ENPP2: variants seen among roughly 807,000 people sequenced by gnomAD.
ENPP2 encodes autotaxin.
Under a neutral mutation model 120.2 loss-of-function variants are expected in ENPP2, and 51 were observed. That is an observed-to-expected ratio of 0.42 (90% CI 0.34 to 0.54). The LOEUF is 0.54. ENPP2 is among the 20% of genes least tolerant of loss of function. The probability of loss-of-function intolerance (pLI) is 0.04; values close to 1 mark genes in which losing one functional copy is unlikely to be tolerated. For missense variants in ENPP2, 920 were observed against 1,066.5 expected (o/e 0.86, Z 1.91); for synonymous variants, 365 against 366.4 (o/e 1.00, Z 0.04).
chr8:119,603,663 C>CATA (rs1419545505), intron 9 of ENPP2, among the ~76,000 whole-genome samples: 40 of 152,056 alleles, frequency 2.6e-4, no homozygotes, highest in African/African-American at 8.7e-4. Context: ...GTGCTGGGCA[C>CATA]ATAGAAAGGG....
intron 9 of ENPP2, among the ~76,000 whole-genome samples, chr8:119,606,962 T>C (rs1347313582): frequency 6.6e-6 from 1 of 152,222 alleles, no homozygotes. Context: ...CATCAACATG[T>C]TGATACTTTT....
intron 2 of ENPP2, among the ~76,000 whole-genome samples, chr8:119,633,221 C>G (rs866291418): frequency 9.2e-5 from 14 of 152,146 alleles, no homozygotes; most frequent in Middle Eastern, 3.2e-3. Flanking sequence ...AAATGTCCCC[C>G]GTAAAGATGC....
intron 20 of ENPP2, among the ~76,000 whole-genome samples, chr8:119,569,791 A>G (rs1327089382): frequency 6.7e-6 from 1 of 150,300 alleles, no homozygotes; most frequent in Non-Finnish European, 1.5e-5. Context: ...GTACAAGAAC[A>G]TACGTATGTG....
chr8:119,595,959 T>C (rs1405677368), intron 11 of ENPP2: 3 of 1,613,998 alleles, frequency 1.9e-6, no homozygotes, highest in South Asian at 2.2e-5. Flanking sequence ...AACTTTCCTC[T>C]TAGGTCTCTT....
At chr8:119,637,171 A>C (rs537489849) in intron 2 of ENPP2, among the ~76,000 whole-genome samples, 3 of 152,138 alleles carry the variant, frequency 2.0e-5, no homozygotes, top group Non-Finnish European at 4.4e-5. Context: ...AGTCACAGTC[A>C]GTGTTAATGG....
chr8:119,584,810 A>T (rs532264938), intron 15 of ENPP2, among the ~76,000 whole-genome samples: 1 of 152,322 alleles, frequency 6.6e-6, no homozygotes, highest in South Asian at 2.1e-4. Flanking sequence ...CTTTCATGTT[A>T]ATTTAATACA....
chr8:119,578,044 TG>T (rs201795208), intron 19 of ENPP2, among the ~76,000 whole-genome samples: 19 of 152,170 alleles, frequency 1.2e-4, no homozygotes, highest in African/African-American at 9.6e-5. Context: ...TGTGTTTTTT[TG>T]TTGTTGTTGT....
At chr8:119,620,282 C>T (rs910886176) in intron 4 of ENPP2, among the ~76,000 whole-genome samples, 16 of 152,134 alleles carry the variant, frequency 1.1e-4, no homozygotes, top group Non-Finnish European at 2.2e-4. Context: ...TTCTAACAGC[C>T]TTTGTGGCTT....
chr8:119,584,379 C>T (rs1228731011), intron 15 of ENPP2, among the ~76,000 whole-genome samples: 1 of 152,080 alleles, frequency 6.6e-6, no homozygotes, highest in African/African-American at 2.4e-5. Flanking sequence ...GTAAGATTCT[C>T]GACTCTAGGA....
intron 24 of ENPP2, 93 bp downstream of exon 24, chr8:119,562,764 T>C (rs1814067244): frequency 1.6e-6 from 2 of 1,234,854 alleles, no homozygotes; most frequent in Admixed American, 2.2e-5. Flanking sequence ...TGCTTTATAA[T>C]AAGTATGTTC....
Position 119,590,531 on chromosome 8 carries a change from C to G in ENPP2, c.1181G>C (p.Arg394Pro). 6.3e-7 allele frequency: 1 copy of G among 1,596,720 alleles called. No homozygotes were observed. Among genetic ancestry groups the G allele is most frequent in the Non-Finnish European group, 8.5e-7 (1 of 1,172,656 alleles). ...TTTAGCATTGTTGCTAAATTTGGAT[C>G]GAATTCTTCCTAGAGTTCCAGGCAC... ...TLVPGTLGRI[R>P]SKFSNNAKYD... Residue 394 changes from arginine (R) to proline (P), a missense_variant, in exon 13 of 25, where the codon CGA (arginine) becomes CCA (proline). Coordinates refer to ENST00000075322, the MANE Select transcript of ENPP2 (RefSeq NM_001040092.3).
chr8:119,620,557 T>A (rs1815818025), intron 4 of ENPP2, among the ~76,000 whole-genome samples: 1 of 152,202 alleles, frequency 6.6e-6, no homozygotes, highest in African/African-American at 2.4e-5. Context: ...TCAGAGATAA[T>A]GAAAAGGACT....
At chr8:119,581,754 T>C (rs568232393) in intron 18 of ENPP2, among the ~76,000 whole-genome samples, 6 of 148,068 alleles carry the variant, frequency 4.1e-5, no homozygotes, top group African/African-American at 1.5e-4. Flanking sequence ...TCTCTCTTTT[T>C]TTCATTTCCT....
intron 11 of ENPP2, among the ~76,000 whole-genome samples, chr8:119,598,635 A>G (rs1814068645): frequency 6.6e-6 from 1 of 152,250 alleles, no homozygotes; most frequent in Non-Finnish European, 1.5e-5. Flanking sequence ...ATTGATTAAG[A>G]ACATTTATCA....
At chr8:119,590,727 T>C in intron 12 of ENPP2, 97 bp from the exon 13 acceptor site, 1 of 860,190 alleles carries the variant, frequency 1.2e-6, no homozygotes, top group South Asian at 2.4e-5. Flanking sequence ...CTTTAGTTAG[T>C]TTTTAGTAAC....
intron 13 of ENPP2, 53 bp from the exon 14 acceptor site, chr8:119,587,128 G>C: frequency 6.8e-7 from 1 of 1,468,686 alleles, no homozygotes; most frequent in Non-Finnish European, 9.4e-7. Context: ...ATTACCAAGA[G>C]AAATCATTTT....
chr8:119,631,473 T>C (rs560166825), intron 2 of ENPP2, among the ~76,000 whole-genome samples: 105 of 149,814 alleles, frequency 7.0e-4, no homozygotes, highest in Middle Eastern at 3.6e-3. Flanking sequence ...ACCTTGGCCT[T>C]CCAAAGTGCT....
In ENPP2 at chr8:119,595,883, C is replaced by G. The variant is rs201799245; in HGVS notation, c.973-2023G>C. The G allele has an allele frequency of 4.2e-5, 68 of 1,614,054 alleles. No homozygotes were observed. The highest frequency in any genetic ancestry group is 5.7e-5 in the Non-Finnish European group (67 of 1,179,942). The stretch of plus-strand genomic sequence containing the variant: ...GAGTTTCCGCAGCATAATGATCCAT[C>G]CTATGTATTTTTCTTCTTCTTTTCT... On this transcript the variant is annotated intron_variant, in intron 11 of 24. Coordinates refer to ENST00000075322, the MANE Select transcript of ENPP2 (RefSeq NM_001040092.3).
intron 1 of ENPP2, among the ~76,000 whole-genome samples, chr8:119,658,577 C>A (rs903558384): frequency 6.6e-6 from 1 of 152,202 alleles, no homozygotes; most frequent in African/African-American, 2.4e-5. Context: ...TATAACTCCT[C>A]CTATTTCTCC....
Sources: gnomAD v4.1 joint callset for allele counts (sites outside exome capture counted in the v4.1 genomes callset) on GRCh38, gnomAD v4.1.1 for gene constraint, MANE v1.5 for transcripts, NCBI Gene and HGNC (gene_info 2026-07-23, HGNC 2026-07-21) for gene names.